The following CNTN4 variants were observed in gnomAD, a reference collection of about 807,000 sequenced individuals.
CNTN4 encodes the protein contactin-4.
Under a neutral mutation model 122.5 loss-of-function variants are expected in CNTN4, and 77 were observed. That is an observed-to-expected ratio of 0.63 (90% CI 0.52 to 0.76). The LOEUF (loss-of-function observed/expected upper bound fraction) is 0.76. CNTN4 is among the 30% of genes least tolerant of loss of function. The probability of loss-of-function intolerance (pLI) is 0.00; values close to 1 mark genes in which losing one functional copy is unlikely to be tolerated. For synonymous variants in CNTN4, 512 were observed against 447.0 expected (o/e 1.15, Z -1.83); for missense variants, 1,256 against 1,259.1 (o/e 1.00, Z 0.04).
At chr3:2,418,475 A>C (rs2047498817) in intron 3 of CNTN4, among the ~76,000 whole-genome samples, 1 of 152,180 alleles carries the variant, frequency 6.6e-6, no homozygotes, top group South Asian at 2.1e-4. Context: ...ATCATTAGAT[A>C]CTCAATCATT....
chr3:2,701,581 G>A (rs1411955557), intron 4 of CNTN4, among the ~76,000 whole-genome samples: 1 of 152,180 alleles, frequency 6.6e-6, no homozygotes, highest in Non-Finnish European at 1.5e-5. Context: ...ACAGGGAGGT[G>A]GGCAGTGGGG....
chr3:2,220,308 A>G (rs1438266427), intron 2 of CNTN4, among the ~76,000 whole-genome samples: 2 of 152,174 alleles, frequency 1.3e-5, no homozygotes, highest in South Asian at 4.1e-4. Context: ...GTAGGTGAGG[A>G]TGTTTTTGTT....
chr3:2,630,733 C>A (rs199593315), intron 4 of CNTN4, among the ~76,000 whole-genome samples: 9 of 57,008 alleles, frequency 1.6e-4, no homozygotes, highest in African/African-American at 4.0e-4. Context: ...TGTGTGTGTA[C>A]TATATGTTTA....
intron 14 of CNTN4, among the ~76,000 whole-genome samples, chr3:3,018,394 G>T (rs1203587752): frequency 1.3e-5 from 2 of 152,048 alleles, no homozygotes; most frequent in Non-Finnish European, 2.9e-5. Flanking sequence ...ATTGTTCTGT[G>T]GAGTATTCAT....
chr3:2,970,849 G>A (rs113661387), intron 13 of CNTN4, among the ~76,000 whole-genome samples: 9,348 of 151,820 alleles, frequency 0.062, 754 homozygotes, highest in African/African-American at 0.18. Context: ...GTGCAGTGGC[G>A]TGATCCCAGC....
At chr3:2,312,300 G>C (rs2042943776) in intron 2 of CNTN4, among the ~76,000 whole-genome samples, 1 of 152,036 alleles carries the variant, frequency 6.6e-6, no homozygotes, top group African/African-American at 2.4e-5. Flanking sequence ...TAATGTTGTG[G>C]AGATTTCAGA....
At chr3:2,944,152 G>C (rs1006593055) in intron 13 of CNTN4, among the ~76,000 whole-genome samples, 51 of 151,378 alleles carry the variant, frequency 3.4e-4, no homozygotes, top group African/African-American at 1.2e-3. Flanking sequence ...GAATTTTTGG[G>C]GGGTTTTTTT....
rs182485789 is a variant in CNTN4, at chr3:3,023,446, T to A, written c.1487-2656T>A. The stretch of plus-strand genomic sequence containing the variant: ...ACCAATAATAAAAATCTGTCCCAGA[T>A]CCCTACATGTGCATAAAGAGGTGAA... On this transcript the variant is annotated intron_variant, in intron 14 of 24. Transcript: ENST00000418658. 9.3e-4 allele frequency among the ~76,000 whole-genome samples: 142 copies of A among 152,292 alleles called. 2 individuals are homozygous for A. The highest frequency in any genetic ancestry group is 5.9e-5 in the Non-Finnish European group (4 of 68,028).
At chr3:2,412,431 T>A (rs913950550) in intron 3 of CNTN4, among the ~76,000 whole-genome samples, 1 of 151,966 alleles carries the variant, frequency 6.6e-6, no homozygotes, top group African/African-American at 2.4e-5. Flanking sequence ...TTTTGTATTG[T>A]TATTGGAGAC....
chr3:2,842,443 A>C (rs2093379052), intron 7 of CNTN4, among the ~76,000 whole-genome samples: 1 of 152,158 alleles, frequency 6.6e-6, no homozygotes. Context: ...TCTCTCCTGC[A>C]TTAGATACAT....
chr3:2,609,719 G>A (rs183647981), intron 4 of CNTN4, among the ~76,000 whole-genome samples: 1 of 152,204 alleles, frequency 6.6e-6, no homozygotes, highest in Admixed American at 6.5e-5. Flanking sequence ...GCTATGAAAC[G>A]TCTTTCTAGG....
At chr3:2,821,231 A>G (rs2150269454) in intron 7 of CNTN4, among the ~76,000 whole-genome samples, 1 of 152,302 alleles carries the variant, frequency 6.6e-6, no homozygotes, top group African/African-American at 2.4e-5. Context: ...TGCTGGGATT[A>G]CAGGCATGAG....
At chr3:2,720,663 G>A (rs908625331) in intron 4 of CNTN4, among the ~76,000 whole-genome samples, 5 of 152,136 alleles carry the variant, frequency 3.3e-5, no homozygotes, top group African/African-American at 1.2e-4. Flanking sequence ...ACAGAAACAA[G>A]GGTGCATTCT....
intron 2 of CNTN4, among the ~76,000 whole-genome samples, chr3:2,293,994 T>C (rs1298957913): frequency 6.6e-6 from 1 of 152,210 alleles, no homozygotes; most frequent in Non-Finnish European, 1.5e-5. Context: ...TGGTCAGCTC[T>C]GTTTCTAGCA....
chr3:2,905,927 T>C (rs1385273800), intron 12 of CNTN4, among the ~76,000 whole-genome samples: 1 of 152,250 alleles, frequency 6.6e-6, no homozygotes, highest in East Asian at 1.9e-4. Flanking sequence ...CAGTGCTTTT[T>C]AAAGCTGTTG....
At chr3:2,393,628 A>G (rs537207014) in intron 3 of CNTN4, among the ~76,000 whole-genome samples, 1 of 152,314 alleles carries the variant, frequency 6.6e-6, no homozygotes, top group Admixed American at 6.5e-5. Flanking sequence ...AATAATGAAC[A>G]TTTCAAATCA....
chr3:2,245,944 C>T (rs2040127601), intron 2 of CNTN4, among the ~76,000 whole-genome samples: 1 of 151,952 alleles, frequency 6.6e-6, no homozygotes, highest in Admixed American at 6.6e-5. Flanking sequence ...ACTTTACCAG[C>T]AACAGGCACA....
At chr3:2,430,488 T>C (rs1412861796) in intron 3 of CNTN4, among the ~76,000 whole-genome samples, 2 of 151,546 alleles carry the variant, frequency 1.3e-5, no homozygotes, top group African/African-American at 4.8e-5. Flanking sequence ...CACTGGGAGC[T>C]GTAGGCTGGA....
intron 10 of CNTN4, among the ~76,000 whole-genome samples, chr3:2,887,583 T>C (rs911702721): frequency 6.6e-6 from 1 of 152,164 alleles, no homozygotes. Flanking sequence ...TTTTAAGCTC[T>C]GTGCTTTTCT....
Sources: gnomAD v4.1 joint callset for allele counts (sites outside exome capture counted in the v4.1 genomes callset) on GRCh38, gnomAD v4.1.1 for gene constraint, MANE v1.5 for transcripts, NCBI Gene and HGNC (gene_info 2026-07-23, HGNC 2026-07-21) for gene names.